Variants in MECOM observed in about 807,000 individuals in gnomAD.
The protein encoded by MECOM is histone-lysine N-methyltransferase MECOM.
Under a neutral mutation model 116.3 loss-of-function variants are expected in MECOM, and 13 were observed. The observed-to-expected ratio is 0.11, with a 90% CI of 0.07 to 0.18. MECOM has a LOEUF of 0.18. MECOM is among the 10% of genes least tolerant of loss of function. The probability of loss-of-function intolerance (pLI) is 1.00; values close to 1 mark genes in which losing one functional copy is unlikely to be tolerated. For missense variants in MECOM, 1,299 were observed against 1,509.0 expected (o/e 0.86, Z 2.31); for synonymous variants, 528 against 535.2 (o/e 0.99, Z 0.19).
Position 169,369,415 on chromosome 3 carries a change from C to T in MECOM, c.375+11772G>A, listed in dbSNP as rs116334673. 3.5e-3 allele frequency among the ~76,000 whole-genome samples: 451 copies of T among 129,288 alleles called. 1 individual carries two copies. Among genetic ancestry groups the T allele is most frequent in the Non-Finnish European group, 5.4e-3 (353 of 64,830 alleles). The allele number at this position is 129,288 out of a possible 152,430, so 84.8% of individuals were successfully genotyped here. A position where few individuals can be genotyped will look rare whatever the true frequency, so the allele number is the denominator to read the frequency against. On this transcript the variant is annotated intron_variant, in intron 2 of 16. Coordinates refer to ENST00000651503, the MANE Select transcript of MECOM (RefSeq NM_004991.4). ...AGGCTGGAATGCATTAGGATGAATA[C>T]GGCTCACTGCATCCTTGACCTCCTG...
intron 1 of MECOM, among the ~76,000 whole-genome samples, chr3:169,486,827 C>T (rs150722358): frequency 5.3e-5 from 8 of 151,972 alleles, no homozygotes; most frequent in Admixed American, 2.0e-4. Flanking sequence ...AGCACACAGC[C>T]CCAAATTACA....
chr3:169,368,113 G>C (rs1471369780), intron 2 of MECOM, among the ~76,000 whole-genome samples: 1 of 152,050 alleles, frequency 6.6e-6, no homozygotes, highest in East Asian at 1.9e-4. Flanking sequence ...TTGTTCTAAT[G>C]ATAGTTGACC....
At chr3:169,560,480 A>G (rs971135046) in intron 1 of MECOM, among the ~76,000 whole-genome samples, 1 of 152,136 alleles carries the variant, frequency 6.6e-6, no homozygotes. Flanking sequence ...TTTATAAAAA[A>G]TTTATATCCC....
chr3:169,309,583 T>C (rs1718355119), intron 2 of MECOM, among the ~76,000 whole-genome samples: 1 of 152,212 alleles, frequency 6.6e-6, no homozygotes, highest in Admixed American at 6.5e-5. Context: ...AGCTTTTCAT[T>C]ACAAATACTC....
chr3:169,493,719 T>G (rs1338852496), intron 1 of MECOM, among the ~76,000 whole-genome samples: 2 of 152,060 alleles, frequency 1.3e-5, no homozygotes, highest in Non-Finnish European at 2.9e-5. Context: ...GCCCTGACAC[T>G]TTATGAATAG....
intron 1 of MECOM, among the ~76,000 whole-genome samples, chr3:169,406,664 T>G (rs750629314): frequency 1.6e-4 from 25 of 152,180 alleles, no homozygotes; most frequent in Non-Finnish European, 1.5e-5. Context: ...CATTATCTTA[T>G]TTAATGTCAC....
At position 169,420,912 on chromosome 3, in the gene MECOM, C is replaced by T. The variant is rs547112886; in HGVS notation, c.38-39388G>A. Among the ~76,000 whole-genome samples the T allele has an allele frequency of 3.3e-5, 5 of 152,204 alleles. No individual in the cohort carries two copies. The East Asian group carries it at 9.6e-4, about 29-fold the overall frequency. On this transcript the variant is annotated intron_variant, in intron 1 of 16. Coordinates refer to ENST00000651503, the MANE Select transcript of MECOM (RefSeq NM_004991.4). ...AAATAAAGTGTATTTCATCAATATT[C>T]CATTGAACACAATTTTATGTAGGGT...
In MECOM at chr3:169,538,746, T is replaced by C. The variant is rs373155533; in HGVS notation, c.37+124590A>G. On this transcript the variant is annotated intron_variant, in intron 1 of 16. Coordinates refer to ENST00000651503, the MANE Select transcript of MECOM (RefSeq NM_004991.4). Reference sequence around the variant, plus strand: ...TGTAATGTTGAAGAAGTTCTGTATCTAAAGTCAGGAGTAACTAACTACTGG... The same window carrying C: ...TGTAATGTTGAAGAAGTTCTGTATCCAAAGTCAGGAGTAACTAACTACTGG... Among the ~76,000 whole-genome samples the C allele has an allele frequency of 1.4e-4, 22 of 152,294 alleles. No homozygotes were observed. In the East Asian group the frequency reaches 4.3e-3, roughly 29 times the overall value.
intron 1 of MECOM, among the ~76,000 whole-genome samples, chr3:169,485,994 T>TACTATATATAC (rs1560341215): frequency 1.1e-5 from 1 of 90,092 alleles, no homozygotes; most frequent in African/African-American, 4.9e-5. Flanking sequence ...AGTATATATA[T>TACTATATATAC]GTATATATAT....
At chr3:169,251,463 G>A (rs1204941230) in intron 2 of MECOM, among the ~76,000 whole-genome samples, 1 of 152,160 alleles carries the variant, frequency 6.6e-6, no homozygotes, top group African/African-American at 2.4e-5. Flanking sequence ...AGTTCTGTGA[G>A]CCGAAGTCTA....
intron 2 of MECOM, among the ~76,000 whole-genome samples, chr3:169,279,516 G>A (rs913856328): frequency 2.0e-5 from 3 of 152,184 alleles, no homozygotes; most frequent in African/African-American, 7.2e-5. Flanking sequence ...GGGAGCAGAA[G>A]AGAGCAAAAG....
chr3:169,527,735 C>T (rs1184139079), intron 1 of MECOM, among the ~76,000 whole-genome samples: 2 of 152,158 alleles, frequency 1.3e-5, no homozygotes, highest in African/African-American at 2.4e-5. Flanking sequence ...CACACAGACA[C>T]ACACACTCAC....
At chr3:169,502,419 T>A (rs1754649846) in intron 1 of MECOM, among the ~76,000 whole-genome samples, 1 of 152,096 alleles carries the variant, frequency 6.6e-6, no homozygotes, top group Non-Finnish European at 1.5e-5. Flanking sequence ...AAGTCTGATT[T>A]TCCTGCTTTC....
At chr3:169,364,248 C>A (rs756320042) in intron 2 of MECOM, among the ~76,000 whole-genome samples, 5 of 151,644 alleles carry the variant, frequency 3.3e-5, no homozygotes, top group African/African-American at 9.7e-5. Context: ...AGAAAGAAGT[C>A]GACTGTTTTG....
chr3:169,291,026 C>T (rs150707029), intron 2 of MECOM, among the ~76,000 whole-genome samples: 3 of 152,162 alleles, frequency 2.0e-5, no homozygotes, highest in African/African-American at 7.2e-5. Context: ...CTACCACTAC[C>T]ACCTTTGTGG....
intron 1 of MECOM, among the ~76,000 whole-genome samples, chr3:169,382,169 T>A (rs16853618): frequency 0.1 from 15,517 of 152,202 alleles, 1,067 homozygotes; most frequent in East Asian, 0.22. Flanking sequence ...CTCTGGGTAT[T>A]CGTAAACGCT....
chr3:169,143,896 G>A (rs1738906375), intron 2 of MECOM, 64 bp from the exon 3 acceptor site: 1 of 1,451,634 alleles, frequency 6.9e-7, no homozygotes, highest in South Asian at 1.5e-5. Flanking sequence ...ATAATCAGTT[G>A]TTTGAAAATA....
At chr3:169,146,225 C>A in intron 2 of MECOM, 1 of 1,112,640 alleles carries the variant, frequency 9.0e-7, no homozygotes, top group Non-Finnish European at 1.1e-6. Context: ...AAAATCCCCA[C>A]AATCTAGCCA....
chr3:169,587,171 T>A (rs1190951185), intron 1 of MECOM, among the ~76,000 whole-genome samples: 3 of 152,164 alleles, frequency 2.0e-5, no homozygotes, highest in African/African-American at 7.2e-5. Context: ...ATTGAGCATC[T>A]AATTTTTTTG....
Sources: gnomAD v4.1 joint callset for allele counts (sites outside exome capture counted in the v4.1 genomes callset) on GRCh38, gnomAD v4.1.1 for gene constraint, MANE v1.5 for transcripts, NCBI Gene and HGNC (gene_info 2026-07-23, HGNC 2026-07-21) for gene names.